Variants in C9 observed in about 807,000 individuals in gnomAD.
C9 encodes complement component C9.
C9 carries 63 observed loss-of-function variants against 65.4 expected under a neutral mutation model. That is an observed-to-expected ratio of 0.96 (90% confidence interval 0.79 to 1.19). The LOEUF (loss-of-function observed/expected upper bound fraction) is 1.19. Among genes scored for constraint, C9 ranks in the 50% most tolerant of loss-of-function variants. C9 has a pLI of 0.00. For missense variants in C9, 744 were observed against 670.1 expected (o/e 1.11, Z -1.22); for synonymous variants, 229 against 227.9 (o/e 1.00, Z -0.04).
At position 39,316,003 on chromosome 5, in the gene C9, G is replaced by A. The variant is rs903055186; in HGVS notation, c.642C>T (p.Thr214=). The part of the protein sequence containing the change: ...YETKGEKNFR[T]EHYEEQIEAF... ...CTTCAATTTGTTCTTCGTAATGTTC[G>A]GTTCTGAAATTTTTCTCGCCTTTGG... The change falls in exon 6 of 11, where the codon ACC becomes ACT. Residue 214 remains threonine, a synonymous_variant. Coordinates refer to ENST00000263408, the MANE Select transcript of C9 (RefSeq NM_001737.5). 21 of 1,611,912 alleles carry A rather than the reference G, an allele frequency of 1.3e-5. No individual in the cohort carries two copies. Among genetic ancestry groups the A allele is most frequent in the East Asian group, 4.5e-5 (2 of 44,790 alleles).
At chr5:39,332,381 A>G (rs1753860556) in intron 4 of C9, among the ~76,000 whole-genome samples, 1 of 152,188 alleles carries the variant, frequency 6.6e-6, no homozygotes, top group South Asian at 2.1e-4. Context: ...TCCAAGATGA[A>G]CACAAAAATT....
At chr5:39,298,295 G>A in intron 9 of C9, among the ~76,000 whole-genome samples, 1 of 150,662 alleles carries the variant, frequency 6.6e-6, no homozygotes, top group Non-Finnish European at 1.5e-5. Context: ...CAAAGCATAA[G>A]GAAGGAAATA....
At chr5:39,288,312 G>C (rs957841963) in intron 10 of C9, among the ~76,000 whole-genome samples, 18 of 151,478 alleles carry the variant, frequency 1.2e-4, no homozygotes, top group Non-Finnish European at 2.1e-4. Flanking sequence ...TATTATTGTT[G>C]CTTCTTAAAA....
chr5:39,311,488 A>C, intron 6 of C9, 111 bp from the exon 7 acceptor site: 2 of 957,198 alleles, frequency 2.1e-6, no homozygotes, highest in Non-Finnish European at 3.3e-6. Context: ...AGCAGTGACC[A>C]TGAGATACCA....
Position 39,285,210 on chromosome 5 carries a change from T to TG in C9, c.1668dup (p.Asn557GlnfsTer2). On this transcript the variant is annotated frameshift_variant, in exon 11 of 11. Transcript: ENST00000263408. LOFTEE classifies it high-confidence loss of function. ...AGAAGCCAACAGCTCTATTTTTCAT[T>TG]GGGGAACTCTAGGGCTGGCAATCCT... The TG allele has an allele frequency of 6.2e-7, 1 of 1,612,982 alleles. No individual in the cohort carries two copies. The highest frequency in any genetic ancestry group is 8.5e-7 in the Non-Finnish European group (1 of 1,179,082).
intron 1 of C9, among the ~76,000 whole-genome samples, chr5:39,354,587 A>T (rs1259896191): frequency 6.6e-6 from 1 of 152,134 alleles, no homozygotes; most frequent in Non-Finnish European, 1.5e-5. Flanking sequence ...CATAGACCTA[A>T]AATTGTCACT....
chr5:39,285,038 A>T lies in C9; in HGVS notation c.*161T>A, dbSNP rs1319007443. 3.2e-5 allele frequency: 20 copies of T among 631,772 alleles called. No individual in the cohort carries two copies. In the Admixed American group the frequency reaches 3.8e-4, roughly 12 times the overall value. 39.1% of individuals were successfully genotyped at this position (631,772 alleles called of 1,614,324 possible). On this transcript the variant is annotated 3_prime_UTR_variant, in exon 11 of 11. Transcript: ENST00000263408. ...ACAGGAGTTTAAGGAAGAAAAATTT[A>T]AAAAAAAATTATAGACCTAAGAGAG...
In C9 at chr5:39,306,686, C is replaced by T; in HGVS notation, c.1347G>A (p.Val449=). ...ELKEKLLRGT[V]IDVTDFVNWA... ...AGTTGACAAAGTCAGTCACATCAAT[C>T]ACGGTTCCTCGGAGAAGCTTTTCTT... The change falls in exon 9 of 11, where the codon GTG becomes GTA. Residue 449 remains valine, a synonymous_variant. Transcript: ENST00000263408. 1 of 1,613,682 alleles carries T rather than the reference C, an allele frequency of 6.2e-7. No homozygotes were observed.
chr5:39,362,883 C>A (rs564914268), intron 1 of C9, among the ~76,000 whole-genome samples: 19 of 152,134 alleles, frequency 1.2e-4, no homozygotes, highest in African/African-American at 3.4e-4. Context: ...GAGGGCATAG[C>A]AATGGGAGCC....
chr5:39,353,267 C>A (rs941483591), intron 1 of C9, among the ~76,000 whole-genome samples: 1 of 152,208 alleles, frequency 6.6e-6, no homozygotes, highest in Admixed American at 6.5e-5. Context: ...ATTCAATTTT[C>A]TGACTTCTAG....
rs533953561 is a variant in C9 at position 39,341,275 on chromosome 5, C to T, written c.347G>A (p.Arg116Gln). The T allele has an allele frequency of 1.2e-4, 187 of 1,614,140 alleles. 3 individuals carry two copies. The South Asian group carries it at 1.8e-3, about 15-fold the overall frequency. ...GTCATTGTCACCATTACACCGAAGT[C>T]GCATCTTTATGCATCTGCCTGCAAT... ...QCSTGRCIKM[R>Q]LRCNGDNDCG... is the part of the protein sequence containing the mutation. The change falls in exon 4 of 11, where the codon CGA (arginine) becomes CAA (glutamine). Residue 116 changes from arginine (R) to glutamine (Q), a missense_variant. By Grantham distance (43) the Arg-to-Gln change is conservative. Coordinates refer to ENST00000263408, the MANE Select transcript of C9 (RefSeq NM_001737.5).
chr5:39,306,843 G>T (rs748152061), intron 8 of C9, 51 bp from the exon 9 acceptor site: 32 of 1,309,436 alleles, frequency 2.4e-5, no homozygotes, highest in Non-Finnish European at 2.3e-5. Context: ...TTAAAGAGAA[G>T]CCAGTTATCA....
At chr5:39,290,870 G>A (rs1311837037) in intron 9 of C9, among the ~76,000 whole-genome samples, 1 of 151,940 alleles carries the variant, frequency 6.6e-6, no homozygotes, top group African/African-American at 2.4e-5. Flanking sequence ...TAAGAGGGAA[G>A]TGGAAGTAGG....
At chr5:39,336,422 G>T (rs1474823678) in intron 4 of C9, among the ~76,000 whole-genome samples, 1 of 151,950 alleles carries the variant, frequency 6.6e-6, no homozygotes, top group Admixed American at 6.5e-5. Context: ...GTACCAAAAA[G>T]ATATTAATTG....
intron 4 of C9, among the ~76,000 whole-genome samples, chr5:39,333,572 C>G (rs1332998736): frequency 3.5e-5 from 5 of 143,316 alleles, no homozygotes; most frequent in Non-Finnish European, 7.8e-5. Context: ...CTCCCTCTCC[C>G]TCTCCCTCTC....
chr5:39,284,915 G>GTT lies in C9; in HGVS notation c.*282_*283dup. ...AACATTCTGTTTTTAATTTAATTTT[G>GTT]TTTTTTTTTAGAAGAGATTGGCATT... On this transcript the variant is annotated 3_prime_UTR_variant, in exon 11 of 11. Coordinates refer to ENST00000263408, the MANE Select transcript of C9 (RefSeq NM_001737.5). 9.9e-6 allele frequency: 4 copies of GTT among 403,522 alleles called. No homozygotes were observed. The highest frequency in any genetic ancestry group is 4.2e-5 in the East Asian group (1 of 23,772). The allele number at this position is 403,522 out of a possible 1,614,324, so 25.0% of individuals were successfully genotyped here.
intron 5 of C9, among the ~76,000 whole-genome samples, chr5:39,328,961 A>G (rs2111923666): frequency 6.6e-6 from 1 of 152,270 alleles, no homozygotes; most frequent in Admixed American, 6.5e-5. Flanking sequence ...TTGGGGCGAA[A>G]ACTATGCTTA....
chr5:39,286,462 G>A (rs1451397790), intron 10 of C9, among the ~76,000 whole-genome samples: 1 of 151,872 alleles, frequency 6.6e-6, no homozygotes, highest in Non-Finnish European at 1.5e-5. Context: ...AAATAATCCA[G>A]TAGACTAGAC....
intron 4 of C9, among the ~76,000 whole-genome samples, chr5:39,333,502 C>A (rs1417203867): frequency 6.6e-6 from 1 of 152,038 alleles, no homozygotes; most frequent in Admixed American, 6.6e-5. Flanking sequence ...GCTGTTGCAG[C>A]TTGAGGTGAA....
Sources: gnomAD v4.1 joint callset for allele counts (sites outside exome capture counted in the v4.1 genomes callset) on GRCh38, gnomAD v4.1.1 for gene constraint, MANE v1.5 for transcripts, NCBI Gene and HGNC (gene_info 2026-07-23, HGNC 2026-07-21) for gene names.